Variants in WDR49 observed in about 807,000 individuals in gnomAD.
The protein encoded by WDR49 is cilia- and flagella-associated protein 337.
In WDR49, 107 loss-of-function variants were observed where a neutral mutation model predicts 119.5. The ratio of observed to expected loss-of-function variants is 0.90; its 90% CI spans 0.77 to 1.05. The LOEUF is 1.05. Among genes scored for constraint, WDR49 ranks in the 50% least tolerant of loss-of-function variants. The pLI, the probability that WDR49 is intolerant of heterozygous loss-of-function variation, is 0.00. For missense variants in WDR49, 1,240 were observed against 1,220.5 expected, an observed-to-expected ratio of 1.02 and a Z score of -0.24; for synonymous variants, 425 against 418.8, an observed-to-expected ratio of 1.01 and a Z score of -0.18.
chr3:167,561,325 T>G (rs116770445), intron 8 of WDR49, among the ~76,000 whole-genome samples: 2 of 152,014 alleles, frequency 1.3e-5, no homozygotes, highest in East Asian at 1.9e-4. Flanking sequence ...TTGTCTATGG[T>G]CTACACCTGT....
chr3:167,519,054 G>C (rs1004027828), intron 16 of WDR49, among the ~76,000 whole-genome samples: 2 of 151,964 alleles, frequency 1.3e-5, no homozygotes, highest in Non-Finnish European at 2.9e-5. Flanking sequence ...TTAGAGAAAT[G>C]CAAATCAAAA....
At chr3:167,632,951 T>A (rs529158944) in intron 2 of WDR49, among the ~76,000 whole-genome samples, 2 of 152,162 alleles carry the variant, frequency 1.3e-5, no homozygotes, top group Admixed American at 1.3e-4. Context: ...ATATGGCACA[T>A]GGGATAATTT....
chr3:167,631,956 A>C (rs1005602787), intron 2 of WDR49, among the ~76,000 whole-genome samples: 4 of 152,096 alleles, frequency 2.6e-5, no homozygotes, highest in African/African-American at 9.6e-5. Flanking sequence ...GGAGTTAATT[A>C]TTCTTATCTT....
intron 17 of WDR49, among the ~76,000 whole-genome samples, chr3:167,504,804 C>A (rs1224261752): frequency 6.6e-6 from 1 of 152,042 alleles, no homozygotes; most frequent in East Asian, 1.9e-4. Flanking sequence ...GTGTTCAGGT[C>A]ATGAGGGTGG....
chr3:167,594,778 A>G (rs2108298928), intron 7 of WDR49, among the ~76,000 whole-genome samples: 1 of 150,482 alleles, frequency 6.6e-6, no homozygotes, highest in East Asian at 2.0e-4. Flanking sequence ...ATGGGCAAAA[A>G]CTGGAAGCAT....
intron 10 of WDR49, among the ~76,000 whole-genome samples, chr3:167,543,328 A>G (rs965180548): frequency 6.6e-6 from 1 of 152,030 alleles, no homozygotes; most frequent in Non-Finnish European, 1.5e-5. Context: ...ACAGGAAAGG[A>G]CATAATAAAA....
At chr3:167,614,067 C>T (rs1438742316) in intron 5 of WDR49, among the ~76,000 whole-genome samples, 1 of 152,066 alleles carries the variant, frequency 6.6e-6, no homozygotes, top group Non-Finnish European at 1.5e-5. Flanking sequence ...TTGTTGCTGA[C>T]AATTTCATGC....
At chr3:167,533,553 G>A (rs1436438514) in intron 11 of WDR49, among the ~76,000 whole-genome samples, 1 of 152,030 alleles carries the variant, frequency 6.6e-6, no homozygotes, top group Non-Finnish European at 1.5e-5. Context: ...GTGTGTGGGT[G>A]GGTGTGTGTG....
At chr3:167,517,736 T>A (rs1238783950) in intron 16 of WDR49, among the ~76,000 whole-genome samples, 2 of 148,564 alleles carry the variant, frequency 1.3e-5, no homozygotes, top group Admixed American at 6.7e-5. Context: ...TTCTTTTCTT[T>A]TTTTATTATT....
At chr3:167,543,895 C>T (rs955732808) in intron 10 of WDR49, among the ~76,000 whole-genome samples, 4 of 151,500 alleles carry the variant, frequency 2.6e-5, no homozygotes, top group African/African-American at 9.7e-5. Context: ...AAAACCCTGA[C>T]TTCTCTAGAA....
At chr3:167,510,774 T>C (rs1235847598) in intron 16 of WDR49, among the ~76,000 whole-genome samples, 1 of 152,104 alleles carries the variant, frequency 6.6e-6, no homozygotes, top group East Asian at 1.9e-4. Flanking sequence ...ACTTAATTTT[T>C]TCTTCATGTT....
At position 167,576,026 on chromosome 3, in the gene WDR49, C is replaced by G. The variant is rs774145869; in HGVS notation, c.1401G>C (p.Ser467=). The change falls in exon 8 of 19, where the codon TCG becomes TCC. Residue 467 remains serine, a synonymous_variant. Transcript: ENST00000682715. ...FDEAHGRLFI[S]FNNQLALLAM... is the part of the protein sequence containing the mutation. The stretch of plus-strand genomic sequence containing the variant: ...CCAACAATGCTAGCTGGTTATTAAA[C>G]GAGATGAAAAGTCGTCCATGGGCTT... The G allele has an allele frequency of 3.7e-6, 6 of 1,614,082 alleles. No homozygotes were observed. Among genetic ancestry groups the G allele is most frequent in the Non-Finnish European group, 4.2e-6 (5 of 1,180,014 alleles).
intron 17 of WDR49, among the ~76,000 whole-genome samples, chr3:167,500,529 AT>A (rs535329140): frequency 4.0e-5 from 6 of 151,566 alleles, no homozygotes; most frequent in African/African-American, 1.2e-4. Flanking sequence ...CTTCCCATTC[AT>A]TTTTTTTTAT....
chr3:167,536,974 T>C lies in WDR49; in HGVS notation c.1850A>G (p.Asn617Ser). The part of the protein sequence containing the change: ...GRAITVFRPQ[N>S]FNQFFIQPEE... ...AGGCTGGATGAAAAATTGATTGAAG[T>C]TTTGGGGTCGAAACACAGTAATAGC... The change falls in exon 11 of 19, where the codon AAC becomes AGC. Residue 617 changes from asparagine (N) to serine (S), a missense_variant. By Grantham distance (46) the Asn-to-Ser change is conservative. Coordinates refer to ENST00000682715, the MANE Select transcript of WDR49 (RefSeq NM_001366157.1). 2 of 1,589,508 alleles carry C rather than the reference T, an allele frequency of 1.3e-6. No individual in the cohort carries two copies. Among genetic ancestry groups the C allele is most frequent in the Non-Finnish European group, 1.7e-6 (2 of 1,168,272 alleles).
intron 10 of WDR49, among the ~76,000 whole-genome samples, chr3:167,542,401 C>T (rs1273294971): frequency 6.6e-6 from 1 of 151,968 alleles, no homozygotes; most frequent in Non-Finnish European, 1.5e-5. Context: ...AAACAAGTTT[C>T]AATAAATTTT....
intron 2 of WDR49, among the ~76,000 whole-genome samples, chr3:167,642,369 T>A (rs1443727592): frequency 6.6e-6 from 1 of 151,970 alleles, no homozygotes; most frequent in African/African-American, 2.4e-5. Context: ...GTTCCAAAAC[T>A]ATTTCATATA....
At chr3:167,521,411 T>G (rs918640697) in intron 16 of WDR49, among the ~76,000 whole-genome samples, 3 of 152,182 alleles carry the variant, frequency 2.0e-5, no homozygotes, top group Non-Finnish European at 4.4e-5. Context: ...GCTACCTTTT[T>G]CCTTCTTCCC....
At chr3:167,517,463 G>A (rs867757603) in intron 16 of WDR49, among the ~76,000 whole-genome samples, 1 of 152,134 alleles carries the variant, frequency 6.6e-6, no homozygotes, top group Non-Finnish European at 1.5e-5. Context: ...GAACTGGCTA[G>A]CCATATGCAG....
At position 167,604,469 on chromosome 3, in the gene WDR49, C is replaced by G. The variant is rs547436566; in HGVS notation, c.959-1G>C. 2 of 1,590,420 alleles carry G rather than the reference C, an allele frequency of 1.3e-6. No individual in the cohort carries two copies. The highest frequency in any genetic ancestry group is 2.7e-5 in the African/African-American group (2 of 73,678). On this transcript the variant is annotated splice_acceptor_variant, in intron 5 of 18. Coordinates refer to ENST00000682715, the MANE Select transcript of WDR49 (RefSeq NM_001366157.1). LOFTEE classifies it high-confidence loss of function. The stretch of plus-strand genomic sequence containing the variant: ...GCGTCTAAAGATGCATTGTAAGTAA[C>G]TGATAAAAAATTAAAAAGAGAAAAA...
Sources: allele counts gnomAD v4.1 joint callset (sites outside exome capture counted in the v4.1 genomes callset), GRCh38; gene constraint gnomAD v4.1.1; transcripts MANE v1.5; gene names NCBI Gene and HGNC (gene_info 2026-07-23, HGNC 2026-07-21).